Variants in SOX6 observed in about 807,000 individuals in gnomAD.
SOX6 encodes the protein SRY-box transcription factor 6, also known as transcription factor SOX-6.
Under a neutral mutation model 97.8 loss-of-function variants are expected in SOX6, and 11 were observed. The ratio of observed to expected loss-of-function variants is 0.11; its 90% CI spans 0.07 to 0.19. The LOEUF (loss-of-function observed/expected upper bound fraction) is 0.19, where lower values mean the gene tolerates loss of function less well. Among genes scored for constraint, SOX6 ranks in the 10% least tolerant of loss-of-function variants. SOX6 has a pLI of 1.00. For missense variants in SOX6, 810 were observed against 1,039.5 expected (o/e 0.78, Z 3.04); for synonymous variants, 360 against 371.4 (o/e 0.97, Z 0.35).
intron 6 of SOX6, among the ~76,000 whole-genome samples, chr11:16,149,886 C>A (rs2134054325): frequency 6.6e-6 from 1 of 152,276 alleles, no homozygotes; most frequent in South Asian, 2.1e-4. Context: ...TACATGTACA[C>A]ATACCAGCAG....
At chr11:16,287,694 G>A (rs1178964333) in intron 3 of SOX6, among the ~76,000 whole-genome samples, 1 of 151,984 alleles carries the variant, frequency 6.6e-6, no homozygotes, top group African/African-American at 2.4e-5. Flanking sequence ...AATAAGGCAT[G>A]CAAAAGCCCT....
chr11:16,669,852 T>G (rs563534295), intron 3 of SOX6, among the ~76,000 whole-genome samples: 2 of 152,128 alleles, frequency 1.3e-5, no homozygotes, highest in African/African-American at 2.4e-5. Context: ...ATCACCACAA[T>G]CAGAGACAGC....
chr11:16,375,623 G>A (rs1857622379), intron 1 of SOX6, among the ~76,000 whole-genome samples: 2 of 151,972 alleles, frequency 1.3e-5, no homozygotes, highest in South Asian at 2.1e-4. Flanking sequence ...AAAAGCTAAG[G>A]CAAACACATT....
At chr11:16,600,145 G>T (rs183687519) in intron 4 of SOX6, among the ~76,000 whole-genome samples, 2 of 152,330 alleles carry the variant, frequency 1.3e-5, no homozygotes, top group South Asian at 2.1e-4. Flanking sequence ...GCAATGCTCT[G>T]CTTAAGTGCT....
intron 6 of SOX6, among the ~76,000 whole-genome samples, chr11:16,165,302 C>G (rs893525753): frequency 1.3e-5 from 2 of 152,186 alleles, no homozygotes; most frequent in African/African-American, 4.8e-5. Flanking sequence ...TCAAATGTCT[C>G]TCTTACTAAA....
At chr11:16,492,627 C>T (rs556575918) in intron 4 of SOX6, among the ~76,000 whole-genome samples, 1 of 152,256 alleles carries the variant, frequency 6.6e-6, no homozygotes, top group South Asian at 2.1e-4. Context: ...TCTTCCAAAC[C>T]TCACTACTCC....
intron 13 of SOX6, among the ~76,000 whole-genome samples, chr11:15,996,910 A>G (rs1028080794): frequency 6.6e-6 from 1 of 152,158 alleles, no homozygotes; most frequent in African/African-American, 2.4e-5. Context: ...TGAAACAGAA[A>G]ACAGATATAA....
Position 16,567,553 on chromosome 11 carries a change from A to ATTTTTTCTTTTTTT in SOX6, n.609+44527_609+44528insAAAAAAAGAAAAAA, listed in dbSNP as rs1565182421. ...TTTCTCTGTATTAATGGTATGTCATATTTTTTTCTTTTTTTTTTTTTTTTT... is the reference window on the plus strand; with the variant it reads ...TTTCTCTGTATTAATGGTATGTCATATTTTTTCTTTTTTTTTTTTTTCTTTTTTTTTTTTTTTTT... On this transcript the variant is annotated intron_variant and non_coding_transcript_variant, in intron 4 of 5. Coordinates refer to the SOX6 transcript ENST00000524520. Among the ~76,000 whole-genome samples, 4 of 107,066 alleles carry ATTTTTTCTTTTTTT rather than the reference A, an allele frequency of 3.7e-5. 1 individual carries two copies. The highest frequency in any genetic ancestry group is 1.1e-4 in the Admixed American group (1 of 8,926). 70.2% of individuals were successfully genotyped at this position (107,066 alleles called of 152,430 possible). A position where few individuals can be genotyped will look rare whatever the true frequency, so the allele number is the denominator to read the frequency against.
chr11:16,303,780 T>C (rs377484848), intron 3 of SOX6, among the ~76,000 whole-genome samples: 2 of 152,234 alleles, frequency 1.3e-5, no homozygotes, highest in East Asian at 1.9e-4. Context: ...TATTTTTAGG[T>C]CTTTTTTCAT....
At chr11:16,343,079 T>C (rs888502626) in intron 1 of SOX6, among the ~76,000 whole-genome samples, 1 of 151,790 alleles carries the variant, frequency 6.6e-6, no homozygotes, top group African/African-American at 2.4e-5. Context: ...TACACAATTA[T>C]GAAAAATGGT....
At chr11:16,391,152 T>A (rs968581025) in intron 1 of SOX6, among the ~76,000 whole-genome samples, 1 of 152,012 alleles carries the variant, frequency 6.6e-6, no homozygotes, top group African/African-American at 2.4e-5. Context: ...TAAGAACACA[T>A]GGACATGGGG....
chr11:16,334,626 C>T (rs1856404461), intron 2 of SOX6, among the ~76,000 whole-genome samples: 1 of 152,052 alleles, frequency 6.6e-6, no homozygotes, highest in African/African-American at 2.4e-5. Flanking sequence ...TGGGGTTTCA[C>T]CATGTTGGCC....
At chr11:16,634,999 T>A (rs917159405) in intron 3 of SOX6, among the ~76,000 whole-genome samples, 3 of 152,190 alleles carry the variant, frequency 2.0e-5, no homozygotes, top group Non-Finnish European at 2.9e-5. Context: ...CTGACATGAT[T>A]GTTAGTTTCC....
intron 12 of SOX6, among the ~76,000 whole-genome samples, chr11:16,041,002 C>T (rs1425268010): frequency 1.3e-5 from 2 of 152,152 alleles, no homozygotes; most frequent in South Asian, 2.1e-4. Flanking sequence ...AATTTCTTCC[C>T]TTACTGCAAA....
intron 4 of SOX6, among the ~76,000 whole-genome samples, chr11:16,608,997 C>A (rs1196141010): frequency 6.6e-6 from 1 of 152,084 alleles, no homozygotes; most frequent in Non-Finnish European, 1.5e-5. Context: ...GACCCCCAGA[C>A]AAAACCTAAA....
chr11:16,136,977 G>T (rs2134031959), intron 6 of SOX6, among the ~76,000 whole-genome samples: 1 of 152,270 alleles, frequency 6.6e-6, no homozygotes, highest in Admixed American at 6.5e-5. Flanking sequence ...TACAAGTGAT[G>T]AGCTTTGTGC....
intron 13 of SOX6, among the ~76,000 whole-genome samples, chr11:15,992,170 T>C (rs753898634): frequency 6.2e-4 from 95 of 152,304 alleles, no homozygotes; most frequent in Middle Eastern, 3.4e-3. Context: ...ACATTGCTTT[T>C]TTCTGGTCAC....
chr11:16,683,024 C>A (rs1169166835), intron 3 of SOX6, among the ~76,000 whole-genome samples: 2 of 152,180 alleles, frequency 1.3e-5, no homozygotes, highest in Non-Finnish European at 2.9e-5. Context: ...ATCCAACTTA[C>A]AAGGGATGTG....
At chr11:16,249,334 G>T (rs1052087097) in intron 3 of SOX6, among the ~76,000 whole-genome samples, 1 of 152,084 alleles carries the variant, frequency 6.6e-6, no homozygotes, top group Non-Finnish European at 1.5e-5. Flanking sequence ...AATCTCTAGG[G>T]CAGGGACAAA....
Sources: gnomAD v4.1 joint callset for allele counts (sites outside exome capture counted in the v4.1 genomes callset) on GRCh38, gnomAD v4.1.1 for gene constraint, MANE v1.5 for transcripts, NCBI Gene and HGNC (gene_info 2026-07-23, HGNC 2026-07-21) for gene names.